The following SGCZ variants were observed in gnomAD, a reference collection of about 807,000 sequenced individuals.
SGCZ encodes the protein zeta-sarcoglycan.
Under a neutral mutation model 41.3 loss-of-function variants are expected in SGCZ, and 40 were observed. The ratio of observed to expected loss-of-function variants is 0.97; its 90% CI spans 0.75 to 1.26. The LOEUF (loss-of-function observed/expected upper bound fraction) is 1.26. Ranked by LOEUF, SGCZ falls within the 50% of genes most tolerant of loss-of-function variation. The probability of loss-of-function intolerance (pLI) is 0.00; values close to 1 mark genes in which losing one functional copy is unlikely to be tolerated. For missense variants in SGCZ, 552 were observed against 369.8 expected (o/e 1.49, Z -4.04); for synonymous variants, 206 against 137.5 (o/e 1.50, Z -3.49).
chr8:14,376,167 C>T (rs903642616), intron 2 of SGCZ, among the ~76,000 whole-genome samples: 4 of 151,700 alleles, frequency 2.6e-5, no homozygotes, highest in Non-Finnish European at 2.9e-5. Context: ...AAAAATTAGC[C>T]GGGCATGGTG....
chr8:14,418,849 C>A (rs1480541882), intron 2 of SGCZ, among the ~76,000 whole-genome samples: 7 of 151,898 alleles, frequency 4.6e-5, no homozygotes, highest in Middle Eastern at 3.2e-3. Flanking sequence ...TAAAACCAGT[C>A]AACAGTTTTG....
intron 1 of SGCZ, among the ~76,000 whole-genome samples, chr8:14,709,287 A>G (rs1486790743): frequency 1.3e-5 from 2 of 152,196 alleles, no homozygotes; most frequent in African/African-American, 4.8e-5. Flanking sequence ...TGATCTGCTG[A>G]ATGTCTTGCG....
chr8:14,574,401 A>G (rs908678443), intron 1 of SGCZ, among the ~76,000 whole-genome samples: 6 of 152,074 alleles, frequency 3.9e-5, no homozygotes, highest in African/African-American at 1.4e-4. Flanking sequence ...GCATAAAGGT[A>G]TTACTCTAAC....
At chr8:14,331,581 C>A (rs1426430074) in intron 2 of SGCZ, among the ~76,000 whole-genome samples, 1 of 151,994 alleles carries the variant, frequency 6.6e-6, no homozygotes, top group Non-Finnish European at 1.5e-5. Flanking sequence ...AATTGACAGA[C>A]CTAGGAATTT....
chr8:14,981,760 C>T (rs550788407), intron 1 of SGCZ, among the ~76,000 whole-genome samples: 24 of 152,244 alleles, frequency 1.6e-4, no homozygotes, highest in Non-Finnish European at 2.8e-4. Flanking sequence ...CCCCAAAGAA[C>T]GAGACCCACC....
At chr8:15,122,385 A>G (rs191197282) in intron 1 of SGCZ, among the ~76,000 whole-genome samples, 4 of 152,240 alleles carry the variant, frequency 2.6e-5, no homozygotes, top group Admixed American at 2.6e-4. Flanking sequence ...TTTTCCCTTT[A>G]TTCTAGAAAA....
At chr8:14,752,559 A>G (rs1165338041) in intron 1 of SGCZ, among the ~76,000 whole-genome samples, 1 of 152,168 alleles carries the variant, frequency 6.6e-6, no homozygotes, top group Non-Finnish European at 1.5e-5. Context: ...CTGTGACAGT[A>G]CGCACTCTCC....
chr8:15,092,524 T>C (rs1031494), intron 1 of SGCZ, among the ~76,000 whole-genome samples: 144,311 of 152,284 alleles, frequency 0.95, 68,450 homozygotes, highest in Admixed American at 0.97. Context: ...CTCATTTACA[T>C]ATTAAATGAA....
At chr8:14,875,756 A>G (rs776850740) in intron 1 of SGCZ, among the ~76,000 whole-genome samples, 33 of 152,280 alleles carry the variant, frequency 2.2e-4, no homozygotes, top group Non-Finnish European at 3.8e-4. Flanking sequence ...TAGGGCAAGA[A>G]GAAAAAATAA....
chr8:15,012,069 T>C (rs1363962964), intron 1 of SGCZ, among the ~76,000 whole-genome samples: 1 of 152,212 alleles, frequency 6.6e-6, no homozygotes, highest in African/African-American at 2.4e-5. Flanking sequence ...TGCAAACCTC[T>C]TAAAATCCAT....
intron 5 of SGCZ, among the ~76,000 whole-genome samples, chr8:14,162,224 G>A (rs781197374): frequency 1.4e-4 from 21 of 152,096 alleles, no homozygotes; most frequent in Non-Finnish European, 2.1e-4. Context: ...CCATGAGATC[G>A]TAAAAGCTGC....
At chr8:14,137,302 C>A (rs981832395) in intron 5 of SGCZ, among the ~76,000 whole-genome samples, 3 of 152,162 alleles carry the variant, frequency 2.0e-5, no homozygotes, top group Non-Finnish European at 4.4e-5. Flanking sequence ...TCGCAAGCAA[C>A]GGAACAAAGA....
chr8:14,400,706 A>G lies in SGCZ; in HGVS notation c.235-76502T>C, dbSNP rs562223658. Among the ~76,000 whole-genome samples the G allele has an allele frequency of 1.2e-4, 18 of 152,264 alleles. No homozygotes were observed. The South Asian group carries it at 3.5e-3, about 30-fold the overall frequency. ...TCTTGTGCAATTTTTCTAAAGGCCT[A>G]TTCTTGAGTCTGTGTTTTTAAAAGT... On this transcript the variant is annotated intron_variant, in intron 2 of 7. Transcript: ENST00000382080.
intron 5 of SGCZ, among the ~76,000 whole-genome samples, chr8:14,135,344 C>T (rs564663896): frequency 6.6e-6 from 1 of 152,010 alleles, no homozygotes; most frequent in African/African-American, 2.4e-5. Context: ...TTTAAAGGGG[C>T]TGATGTGATA....
intron 1 of SGCZ, among the ~76,000 whole-genome samples, chr8:15,126,118 C>T (rs1317841825): frequency 6.6e-6 from 1 of 152,152 alleles, no homozygotes; most frequent in Non-Finnish European, 1.5e-5. Flanking sequence ...CGCATTCCAG[C>T]CTGGGCAACA....
chr8:14,906,517 T>C (rs17120558), intron 1 of SGCZ, among the ~76,000 whole-genome samples: 8,809 of 152,244 alleles, frequency 0.058, 311 homozygotes, highest in Admixed American at 0.08. Context: ...TTTTCTTTTC[T>C]ACAAAGCAAA....
At chr8:14,131,446 T>C (rs1478044) in intron 5 of SGCZ, among the ~76,000 whole-genome samples, 150,172 of 152,272 alleles carry the variant, frequency 0.99, 74,074 homozygotes, top group East Asian at 1. Context: ...TAGCAATTTC[T>C]GTATGTTATT....
At chr8:14,452,731 T>C (rs1234076744) in intron 2 of SGCZ, among the ~76,000 whole-genome samples, 3 of 152,090 alleles carry the variant, frequency 2.0e-5, no homozygotes, top group Non-Finnish European at 4.4e-5. Context: ...TGTGTTCAAA[T>C]TTGCTTTCAA....
At chr8:14,100,519 T>C in intron 7 of SGCZ, among the ~76,000 whole-genome samples, 2 of 138,206 alleles carry the variant, frequency 1.4e-5, no homozygotes, top group Non-Finnish European at 3.1e-5. Context: ...TAATATATTA[T>C]ATTAATATAT....
Sources: gnomAD v4.1 joint callset for allele counts (sites outside exome capture counted in the v4.1 genomes callset) on GRCh38, gnomAD v4.1.1 for gene constraint, MANE v1.5 for transcripts, NCBI Gene and HGNC (gene_info 2026-07-23, HGNC 2026-07-21) for gene names.